Variants in EDDM3A observed in about 807,000 individuals in gnomAD.
EDDM3A encodes the protein epididymal secretory protein E3-alpha.
For missense variants in EDDM3A, 199 were observed against 177.4 expected (o/e 1.12, Z -0.69); for synonymous variants, 75 against 60.4 (o/e 1.24, Z -1.12).
chr14:20,746,408 C>T (rs1877589433), intron 1 of EDDM3A, among the ~76,000 whole-genome samples: 1 of 152,118 alleles, frequency 6.6e-6, no homozygotes, highest in Admixed American at 6.5e-5. Flanking sequence ...ATGAATCAGG[C>T]TAGAGGTTCA....
upstream of EDDM3A, among the ~76,000 whole-genome samples, chr14:20,742,434 A>C (rs773813577): frequency 1.3e-5 from 2 of 152,202 alleles, no homozygotes; most frequent in Non-Finnish European, 2.9e-5. Context: ...TAACTGACTA[A>C]AGCAGAGCAT....
In EDDM3A at chr14:20,748,122, A is replaced by AT. The variant is rs1263680301; in HGVS notation, c.*101dup. On this transcript the variant is annotated 3_prime_UTR_variant, in exon 2 of 2. Transcript: ENST00000326842. ...ATAGCCCCTGCCACTCCCCGCTTAC[A>AT]TTTATGTGTCAGTGTTTTCCAACTA... The AT allele has an allele frequency of 1.2e-6, 1 of 837,558 alleles. No homozygotes were observed. Among genetic ancestry groups the AT allele is most frequent in the African/African-American group, 1.7e-5 (1 of 58,312 alleles). The allele number at this position is 837,558 out of a possible 1,614,324, so 51.9% of individuals were successfully genotyped here.
At chr14:20,737,194 CA>C in the EDDM3A span, among the ~76,000 whole-genome samples, 7 of 151,898 alleles carry the variant, frequency 4.6e-5, no homozygotes, top group South Asian at 1.5e-3. Flanking sequence ...CTCAGGATTA[CA>C]GGTGCGCAAC....
chr14:20,746,999 C>T (rs922941762), intron 1 of EDDM3A, among the ~76,000 whole-genome samples: 1 of 151,868 alleles, frequency 6.6e-6, no homozygotes, highest in African/African-American at 2.4e-5. Flanking sequence ...ACAGGGTAGA[C>T]AGGAGATATT....
rs758850211 is a variant in EDDM3A, at chr14:20,748,076, T to C, written c.*52T>C. 3.5e-6 allele frequency: 5 copies of C among 1,421,808 alleles called. No individual in the cohort carries two copies. The highest frequency in any genetic ancestry group is 2.8e-5 in the South Asian group (2 of 70,934). The allele number at this position is 1,421,808 out of a possible 1,614,324, so 88.1% of individuals were successfully genotyped here. A position where few individuals can be genotyped will look rare whatever the true frequency, so the allele number is the denominator to read the frequency against. On this transcript the variant is annotated 3_prime_UTR_variant, in exon 2 of 2. Coordinates refer to ENST00000326842, the MANE Select transcript of EDDM3A (RefSeq NM_006683.5). ...GGTAGAGTATTCAGTGCTTCCAAAG[T>C]GGTGGGCCCTGCCTCCATCAATAGC...
At chr14:20,746,389 CTCAGAGCTATGAA>C (rs1877588660) in intron 1 of EDDM3A, among the ~76,000 whole-genome samples, 1 of 152,162 alleles carries the variant, frequency 6.6e-6, no homozygotes, top group Non-Finnish European at 1.5e-5. Flanking sequence ...GACACCGATA[CTCAGAGCTATGAA>C]TCAGGCTAGA....
intron 1 of EDDM3A, among the ~76,000 whole-genome samples, chr14:20,746,710 G>T (rs1432391753): frequency 6.6e-6 from 1 of 152,156 alleles, no homozygotes; most frequent in Admixed American, 6.5e-5. Flanking sequence ...CCCAGACTTT[G>T]GGGAAAGTGT....
chr14:20,747,614 T>C lies in EDDM3A; in HGVS notation c.34T>C (p.Leu12=). 5 of 1,612,710 alleles carry C rather than the reference T, an allele frequency of 3.1e-6. No individual in the cohort carries two copies. Among genetic ancestry groups the C allele is most frequent in the Non-Finnish European group, 4.2e-6 (5 of 1,179,236 alleles). Reference sequence around the variant, plus strand: ...CTCTCTAAAGATTTGGGGCATACTCTTGGCCCTGCTTTGCATCCTTTGCAG... The same window carrying C: ...CTCTCTAAAGATTTGGGGCATACTCCTGGCCCTGCTTTGCATCCTTTGCAG... ...TSSLKIWGIL[L]ALLCILCRLC... is the part of the protein sequence containing the mutation. The change falls in exon 2 of 2, where the codon TTG becomes CTG. Residue 12 remains leucine, a synonymous_variant. Transcript: ENST00000326842.
the EDDM3A span, among the ~76,000 whole-genome samples, chr14:20,737,220 A>AT: frequency 6.6e-6 from 1 of 151,318 alleles, no homozygotes; most frequent in Non-Finnish European, 1.5e-5. Context: ...CGTCCCACTA[A>AT]TTTTTTTGTA....
chr14:20,738,117 G>A, the EDDM3A span, among the ~76,000 whole-genome samples: 531 of 152,190 alleles, frequency 3.5e-3, 2 homozygotes, highest in African/African-American at 0.012. Flanking sequence ...AGTGCACCTG[G>A]GGAGGAACAG....
chr14:20,748,243 C>T lies in EDDM3A; in HGVS notation c.*219C>T. On this transcript the variant is annotated 3_prime_UTR_variant, in exon 2 of 2. Transcript: ENST00000326842. ...TTTGTCCTAATTTGCCTAATTTACA[C>T]CCACATTTTTTCCAAGATTCAGCTC... 1 of 467,884 alleles carries T rather than the reference C, an allele frequency of 2.1e-6. No homozygotes were observed. The highest frequency in any genetic ancestry group is 3.9e-6 in the Non-Finnish European group (1 of 258,196). The allele number at this position is 467,884 out of a possible 1,614,324, so 29.0% of individuals were successfully genotyped here.
chr14:20,744,184 T>C (rs1352909899), upstream of EDDM3A, among the ~76,000 whole-genome samples: 21 of 152,178 alleles, frequency 1.4e-4, no homozygotes, highest in Admixed American at 1.4e-3. Context: ...ATTGTTCCTG[T>C]TTTGCTCTCC....
chr14:20,747,655 T>C lies in EDDM3A; in HGVS notation c.75T>C (p.Ser25=). Reference sequence around the variant, plus strand: ...TCCTTTGCAGGCTGTGTGTATACAGTAACAACATTTACTGGAGAGAATTCA... The same window carrying C: ...TCCTTTGCAGGCTGTGTGTATACAGCAACAACATTTACTGGAGAGAATTCA... ...LCILCRLCVY[S]NNIYWREFIK... Residue 25 remains serine, a synonymous_variant, in exon 2 of 2, where the codon AGT becomes AGC. Coordinates refer to ENST00000326842, the MANE Select transcript of EDDM3A (RefSeq NM_006683.5). 1 of 1,614,118 alleles carries C rather than the reference T, an allele frequency of 6.2e-7. No homozygotes were observed. Among genetic ancestry groups the C allele is most frequent in the Non-Finnish European group, 8.5e-7 (1 of 1,180,012 alleles).
Position 20,747,650 on chromosome 14 carries a change from T to C in EDDM3A, c.70T>C (p.Tyr24His), listed in dbSNP as rs752443739. The C allele has an allele frequency of 1.1e-5, 17 of 1,614,176 alleles. 1 individual carries two copies. In the South Asian group the frequency reaches 1.9e-4, roughly 18 times the overall value. Reference sequence around the variant, plus strand: ...TTGCATCCTTTGCAGGCTGTGTGTATACAGTAACAACATTTACTGGAGAGA... The same window carrying C: ...TTGCATCCTTTGCAGGCTGTGTGTACACAGTAACAACATTTACTGGAGAGA... ...LLCILCRLCV[Y>H]SNNIYWREFI... The change falls in exon 2 of 2, where the codon TAC (tyrosine) becomes CAC (histidine). Residue 24 changes from tyrosine to histidine, a missense_variant. Tyr to His is a moderately conservative substitution (Grantham distance 83). Transcript: ENST00000326842.
chr14:20,744,257 G>T (rs912335436), upstream of EDDM3A, among the ~76,000 whole-genome samples: 2 of 152,088 alleles, frequency 1.3e-5, no homozygotes, highest in Non-Finnish European at 2.9e-5. Context: ...ACTATCTCCC[G>T]TCCATCCAGT....
chr14:20,741,065 T>G (rs946515373), upstream of EDDM3A, among the ~76,000 whole-genome samples: 1 of 152,168 alleles, frequency 6.6e-6, no homozygotes, highest in African/African-American at 2.4e-5. Flanking sequence ...AATGGAAAAT[T>G]TGTTCTCTTC....
upstream of EDDM3A, among the ~76,000 whole-genome samples, chr14:20,741,045 A>T (rs763958496): frequency 2.6e-5 from 4 of 152,184 alleles, no homozygotes; most frequent in Non-Finnish European, 5.9e-5. Context: ...TATTGAGAGG[A>T]TCCAAAGCCA....
chr14:20,747,262 A>C (rs911497659), intron 1 of EDDM3A, among the ~76,000 whole-genome samples: 25 of 151,996 alleles, frequency 1.6e-4, no homozygotes, highest in Admixed American at 5.9e-4. Context: ...ATGTCCAGCT[A>C]CTTTTTGTAT....
chr14:20,741,278 A>G (rs1283158436), upstream of EDDM3A, among the ~76,000 whole-genome samples: 1 of 152,240 alleles, frequency 6.6e-6, no homozygotes, highest in Admixed American at 6.5e-5. Flanking sequence ...CGAAGGCCTC[A>G]GAAAATTTAA....
Sources: gnomAD v4.1 joint callset for allele counts (sites outside exome capture counted in the v4.1 genomes callset) on GRCh38, gnomAD v4.1.1 for gene constraint, MANE v1.5 for transcripts, NCBI Gene and HGNC (gene_info 2026-07-23, HGNC 2026-07-21) for gene names.